Variants in ABCA13 observed in about 807,000 individuals in gnomAD.
The protein encoded by ABCA13 is ATP-binding cassette sub-family A member 13.
ABCA13 carries 476 observed loss-of-function variants against 478.7 expected under a neutral mutation model. That is an observed-to-expected ratio of 0.99 (90% confidence interval 0.92 to 1.07). The LOEUF (loss-of-function observed/expected upper bound fraction) is 1.07, where lower values mean the gene tolerates loss of function less well. Ranked by LOEUF, ABCA13 falls within the 50% of genes least tolerant of loss-of-function variation. The pLI is 0.00. For missense variants in ABCA13, 6,060 were observed against 5,910.6 expected (o/e 1.03, Z -0.83); for synonymous variants, 2,252 against 2,158.9 (o/e 1.04, Z -1.20).
At chr7:48,555,602 A>G (rs1294940515) in intron 55 of ABCA13, among the ~76,000 whole-genome samples, 1 of 151,754 alleles carries the variant, frequency 6.6e-6, no homozygotes, top group Non-Finnish European at 1.5e-5. Flanking sequence ...TAGATTTTCC[A>G]TTTATGGGCA....
chr7:48,642,869 T>C (rs1312629483), intron 59 of ABCA13, among the ~76,000 whole-genome samples: 1 of 152,194 alleles, frequency 6.6e-6, no homozygotes, highest in Non-Finnish European at 1.5e-5. Flanking sequence ...TAATTACATA[T>C]GCAATCCCTT....
chr7:48,535,425 G>A (rs1328036072), intron 55 of ABCA13, among the ~76,000 whole-genome samples: 1 of 152,230 alleles, frequency 6.6e-6, no homozygotes, highest in East Asian at 1.9e-4. Flanking sequence ...GGGGAATGAA[G>A]TGGACTCTGA....
chr7:48,588,231 A>G (rs535854077), intron 57 of ABCA13, among the ~76,000 whole-genome samples: 2 of 152,344 alleles, frequency 1.3e-5, no homozygotes, highest in East Asian at 1.9e-4. Context: ...TTCCTAGACT[A>G]TTGTATAGTT....
intron 7 of ABCA13, among the ~76,000 whole-genome samples, chr7:48,232,757 T>A (rs973699125): frequency 2.0e-5 from 3 of 152,232 alleles, no homozygotes; most frequent in African/African-American, 7.2e-5. Flanking sequence ...GATGTCACTA[T>A]TTTTTCTCTC....
At chr7:48,310,893 T>C (rs917548108) in intron 24 of ABCA13, among the ~76,000 whole-genome samples, 1 of 152,166 alleles carries the variant, frequency 6.6e-6, no homozygotes, top group Admixed American at 6.5e-5. Context: ...AAGCTGCCCC[T>C]TCCAGAAGCT....
At chr7:48,197,997 G>A (rs1052144927) in intron 2 of ABCA13, among the ~76,000 whole-genome samples, 6 of 152,066 alleles carry the variant, frequency 3.9e-5, no homozygotes, top group African/African-American at 1.4e-4. Context: ...GCAGCTATAT[G>A]GCTGCTCAGA....
intron 54 of ABCA13, among the ~76,000 whole-genome samples, chr7:48,526,465 C>T (rs1832897789): frequency 6.6e-6 from 1 of 152,110 alleles, no homozygotes; most frequent in African/African-American, 2.4e-5. Context: ...GAGTGCTATG[C>T]AAAAGTCTGT....
chr7:48,216,966 C>T (rs1420604779), intron 3 of ABCA13, among the ~76,000 whole-genome samples: 2 of 152,060 alleles, frequency 1.3e-5, no homozygotes, highest in East Asian at 1.9e-4. Context: ...GCTCTCAGTT[C>T]TATGTATATT....
At chr7:48,498,218 G>A (rs1830443467) in intron 48 of ABCA13, among the ~76,000 whole-genome samples, 1 of 152,200 alleles carries the variant, frequency 6.6e-6, no homozygotes, top group Non-Finnish European at 1.5e-5. Context: ...GGTGGGGACA[G>A]TTTTGCTGGT....
intron 51 of ABCA13, among the ~76,000 whole-genome samples, 198 bp downstream of exon 51, chr7:48,511,397 G>A (rs1231841500): frequency 6.6e-6 from 1 of 152,166 alleles, no homozygotes; most frequent in East Asian, 1.9e-4. Flanking sequence ...GGCTGACCTG[G>A]TCGTGATGAA....
intron 42 of ABCA13, among the ~76,000 whole-genome samples, chr7:48,450,972 C>T (rs1320036620): frequency 3.6e-5 from 5 of 139,694 alleles, no homozygotes; most frequent in Admixed American, 7.2e-5. Flanking sequence ...TTATTATATT[C>T]TTTTTTTTTT....
intron 20 of ABCA13, among the ~76,000 whole-genome samples, chr7:48,294,304 G>A (rs1799017881): frequency 2.0e-5 from 3 of 151,742 alleles, no homozygotes; most frequent in South Asian, 4.1e-4. Context: ...TTCTCATGCT[G>A]TATATTAATT....
chr7:48,574,369 C>T (rs555142325), intron 55 of ABCA13, among the ~76,000 whole-genome samples: 12 of 152,230 alleles, frequency 7.9e-5, no homozygotes, highest in African/African-American at 9.6e-5. Context: ...CTGAAAGCCA[C>T]GTTCATTTGC....
chr7:48,490,662 A>C (rs1829758120), intron 48 of ABCA13, among the ~76,000 whole-genome samples: 1 of 152,194 alleles, frequency 6.6e-6, no homozygotes, highest in Non-Finnish European at 1.5e-5. Context: ...TGTTCAGCTT[A>C]TATGGAACAG....
chr7:48,184,379 C>T (rs1444717766), intron 1 of ABCA13, among the ~76,000 whole-genome samples: 1 of 152,154 alleles, frequency 6.6e-6, no homozygotes, highest in Non-Finnish European at 1.5e-5. Context: ...GTCTTTTCCA[C>T]TCTTCAAATG....
chr7:48,515,682 C>T (rs17730353), intron 51 of ABCA13, among the ~76,000 whole-genome samples: 1 of 151,950 alleles, frequency 6.6e-6, no homozygotes, highest in Non-Finnish European at 1.5e-5. Flanking sequence ...TGTCTCCTGG[C>T]TTGCTGGGGA....
intron 55 of ABCA13, among the ~76,000 whole-genome samples, chr7:48,542,688 T>A (rs1057105155): frequency 1.4e-5 from 2 of 146,364 alleles, no homozygotes; most frequent in Non-Finnish European, 3.0e-5. Context: ...AATAAATAAG[T>A]AATAAGATAA....
intron 15 of ABCA13, among the ~76,000 whole-genome samples, chr7:48,267,164 G>A (rs1252507355): frequency 2.0e-5 from 3 of 152,058 alleles, no homozygotes; most frequent in East Asian, 3.9e-4. Flanking sequence ...TTGTTGGGTG[G>A]CATTTTTTTA....
intron 15 of ABCA13, among the ~76,000 whole-genome samples, chr7:48,257,469 A>G (rs987203521): frequency 1.3e-5 from 2 of 152,108 alleles, no homozygotes; most frequent in Non-Finnish European, 2.9e-5. Flanking sequence ...ACTTTGAGGT[A>G]TGTTCCTTCA....
Sources: allele counts gnomAD v4.1 joint callset (sites outside exome capture counted in the v4.1 genomes callset), GRCh38; gene constraint gnomAD v4.1.1; transcripts MANE v1.5; gene names NCBI Gene and HGNC (gene_info 2026-07-23, HGNC 2026-07-21).